The following CRISP3 variants were observed in gnomAD, a reference collection of about 807,000 sequenced individuals.
CRISP3 encodes cysteine-rich secretory protein 3.
Under a neutral mutation model 36.1 loss-of-function variants are expected in CRISP3, and 33 were observed. The observed-to-expected ratio is 0.91, with a 90% confidence interval of 0.69 to 1.22. The LOEUF (loss-of-function observed/expected upper bound fraction) is 1.22, where lower values mean the gene tolerates loss of function less well. Among genes scored for constraint, CRISP3 ranks in the 50% most tolerant of loss-of-function variants. CRISP3 has a pLI of 0.00. For missense variants in CRISP3, 330 were observed against 301.2 expected (o/e 1.10, Z -0.71); for synonymous variants, 117 against 104.6 (o/e 1.12, Z -0.72).
intron 6 of CRISP3, among the ~76,000 whole-genome samples, chr6:49,731,933 T>C (rs1012753073): frequency 1.3e-5 from 2 of 152,224 alleles, no homozygotes; most frequent in African/African-American, 2.4e-5. Flanking sequence ...ATCTCCTCTG[T>C]GTGTTCATCT....
chr6:49,730,377 T>C (rs1768885958), intron 7 of CRISP3, among the ~76,000 whole-genome samples: 1 of 152,078 alleles, frequency 6.6e-6, no homozygotes, highest in African/African-American at 2.4e-5. Flanking sequence ...GTGATTATTA[T>C]ACTAAACTTG....
At chr6:49,736,295 T>G (rs1224751164) in intron 3 of CRISP3, 96 bp downstream of exon 3, 1 of 783,012 alleles carries the variant, frequency 1.3e-6, no homozygotes, top group East Asian at 2.5e-5. Flanking sequence ...GAGAGAACTT[T>G]GTAAACTTCA....
intron 2 of CRISP3, 136 bp downstream of exon 2, chr6:49,737,189 C>A (rs921654697): frequency 7.9e-6 from 5 of 630,142 alleles, no homozygotes; most frequent in African/African-American, 1.8e-5. Context: ...ATTATGTTAA[C>A]TACCTTGAGC....
In CRISP3 at chr6:49,728,710, A is replaced by C; in HGVS notation, c.*20T>G. The C allele has an allele frequency of 6.2e-7, 1 of 1,604,954 alleles. No homozygotes were observed. Among genetic ancestry groups the C allele is most frequent in the Non-Finnish European group, 8.5e-7 (1 of 1,175,666 alleles). On this transcript the variant is annotated 3_prime_UTR_variant, in exon 8 of 8. Coordinates refer to ENST00000263045, the MANE Select transcript of CRISP3 (RefSeq NM_006061.4). ...ATCTGACTCCTCTCTACATAGCCCT[A>C]CTCGGTGTGTAATGCGTATTTAATA...
At chr6:49,740,702 C>T (rs1769176797) in intron 1 of CRISP3, among the ~76,000 whole-genome samples, 1 of 67,538 alleles carries the variant, frequency 1.5e-5, no homozygotes, top group Admixed American at 1.8e-4. Context: ...TCTACTCTTG[C>T]CTCAAAACAA....
At chr6:49,740,994 G>A (rs1368169752) in intron 1 of CRISP3, among the ~76,000 whole-genome samples, 2 of 151,834 alleles carry the variant, frequency 1.3e-5, no homozygotes, top group East Asian at 1.9e-4. Context: ...CCAGCTACTC[G>A]GGAGGCTGAG....
At chr6:49,736,565 G>A (rs1769058159) in intron 2 of CRISP3, 58 bp from the exon 3 acceptor site, 3 of 1,214,806 alleles carry the variant, frequency 2.5e-6, no homozygotes, top group Non-Finnish European at 3.7e-6. Flanking sequence ...GCACATAATA[G>A]TAACTATGTT....
intron 3 of CRISP3, among the ~76,000 whole-genome samples, 191 bp downstream of exon 3, chr6:49,736,200 A>G (rs1170206820): frequency 7.2e-5 from 11 of 152,178 alleles, no homozygotes; most frequent in Non-Finnish European, 1.2e-4. Context: ...AGCCCTATGA[A>G]TTTGACGTTA....
chr6:49,735,497 T>C lies in CRISP3; in HGVS notation c.316+7A>G, dbSNP rs757543210. 2.4e-5 allele frequency: 38 copies of C among 1,591,616 alleles called. No homozygotes were observed. Among genetic ancestry groups the C allele is most frequent in the African/African-American group, 6.7e-5 (5 of 74,334 alleles). On this transcript the variant is annotated splice_region_variant and intron_variant, in intron 4 of 7. Coordinates refer to ENST00000263045, the MANE Select transcript of CRISP3 (RefSeq NM_006061.4). ...TTTATTCAACAAATATTTCCTAATT[T>C]ACATACTTGTCATTCGATCCTTTGG...
chr6:49,730,270 C>G (rs1001680230), intron 7 of CRISP3, among the ~76,000 whole-genome samples: 4 of 151,860 alleles, frequency 2.6e-5, no homozygotes, highest in Non-Finnish European at 5.9e-5. Flanking sequence ...CTCCTTTTTG[C>G]TAAAATATTT....
intron 4 of CRISP3, 128 bp downstream of exon 4, chr6:49,735,376 T>C (rs976737115): frequency 4.5e-6 from 3 of 660,924 alleles, no homozygotes; most frequent in East Asian, 2.7e-5. Context: ...TACATGTAGA[T>C]AGTCCATATT....
At chr6:49,737,517 G>A (rs1769088864) in intron 1 of CRISP3, 119 bp from the exon 2 acceptor site, 1 of 1,037,296 alleles carries the variant, frequency 9.6e-7, no homozygotes, top group Non-Finnish European at 1.5e-6. Flanking sequence ...CATTATTAAT[G>A]TAACAGGAGA....
At chr6:49,739,601 C>T (rs1039171969) in intron 1 of CRISP3, among the ~76,000 whole-genome samples, 6 of 152,146 alleles carry the variant, frequency 3.9e-5, no homozygotes, top group Non-Finnish European at 5.9e-5. Flanking sequence ...AAAGATGTAA[C>T]ATCAGCTTTA....
intron 1 of CRISP3, 52 bp from the exon 2 acceptor site, chr6:49,737,450 A>G (rs774295930): frequency 8.8e-6 from 14 of 1,598,668 alleles, no homozygotes; most frequent in East Asian, 2.2e-5. Flanking sequence ...TGATTGGTAC[A>G]TGCTGTTGAG....
At chr6:49,741,393 C>T (rs1769198031) in intron 1 of CRISP3, among the ~76,000 whole-genome samples, 1 of 151,926 alleles carries the variant, frequency 6.6e-6, no homozygotes, top group South Asian at 2.1e-4. Flanking sequence ...GTAAATAATA[C>T]ATAAGCCCAC....
In CRISP3 at chr6:49,736,425, G is replaced by T. The variant is rs1423683528; in HGVS notation, c.194C>A (p.Ala65Glu). 1.9e-6 allele frequency: 3 copies of T among 1,613,020 alleles called. No homozygotes were observed. The highest frequency in any genetic ancestry group is 2.5e-6 in the Non-Finnish European group (3 of 1,179,172). ...CATGTTTCTGGCAGGGGGAGATACT[G>T]CTCTCCTCAGTTCATTGTGCTTATT... ...IVNKHNELRR[A>E]VSPPARNMLK... Residue 65 changes from alanine to glutamate, a missense_variant, in exon 3 of 8, where the codon GCA becomes GAA. Ala to Glu is a moderately radical substitution (Grantham distance 107, BLOSUM62 -1). Transcript: ENST00000263045.
At chr6:49,741,611 GTTTTTTTTTTTT>G (rs375461364) in intron 1 of CRISP3, among the ~76,000 whole-genome samples, 2 of 112,992 alleles carry the variant, frequency 1.8e-5, no homozygotes, top group Non-Finnish European at 1.8e-5. Flanking sequence ...CCTGTATGTA[GTTTTTTTTTTTT>G]TTTTTTTTTT....
chr6:49,736,304 C>A (rs774315066), intron 3 of CRISP3, 87 bp downstream of exon 3: 1 of 835,346 alleles, frequency 1.2e-6, no homozygotes, highest in Non-Finnish European at 2.0e-6. Flanking sequence ...TTGTAAACTT[C>A]AAAGTTATTA....
In CRISP3 at chr6:49,735,521, G is replaced by C. The variant is rs760688888; in HGVS notation, c.299C>G (p.Pro100Arg). ...ANQCNYRHSN[P>R]KDRMTSLKCG... is the part of the protein sequence containing the mutation. ...TTACATACTTGTCATTCGATCCTTTGGGTTACTGTGTCTGTAATTGCACTG... is the reference window on the plus strand; with the variant it reads ...TTACATACTTGTCATTCGATCCTTTCGGTTACTGTGTCTGTAATTGCACTG... The change falls in exon 4 of 8, where the codon CCA (proline) becomes CGA (arginine). Residue 100 changes from proline to arginine, a missense_variant. By Grantham distance (103) the Pro-to-Arg change is moderately radical. Transcript: ENST00000263045. 2.5e-6 allele frequency: 4 copies of C among 1,609,948 alleles called. No homozygotes were observed. The highest frequency in any genetic ancestry group is 3.4e-6 in the Non-Finnish European group (4 of 1,177,408).
Sources: gnomAD v4.1 joint callset for allele counts (sites outside exome capture counted in the v4.1 genomes callset) on GRCh38, gnomAD v4.1.1 for gene constraint, MANE v1.5 for transcripts, NCBI Gene and HGNC (gene_info 2026-07-23, HGNC 2026-07-21) for gene names.